KIF1B: variants seen among roughly 807,000 people sequenced by gnomAD.
The protein encoded by KIF1B is kinesin family member 1B.
Under a neutral mutation model 241.9 loss-of-function variants are expected in KIF1B, and 76 were observed. The observed-to-expected ratio is 0.31, with a 90% confidence interval of 0.26 to 0.38. The LOEUF is 0.38. Ranked by LOEUF, KIF1B falls within the 10% of genes least tolerant of loss-of-function variation. The probability of loss-of-function intolerance (pLI) is 1.00; values close to 1 mark genes in which losing one functional copy is unlikely to be tolerated. For missense variants in KIF1B, 1,622 were observed against 2,271.4 expected (o/e 0.71, Z 5.81); for synonymous variants, 750 against 796.7 (o/e 0.94, Z 0.99).
At chr1:10,285,178 A>G (rs61775921) in intron 15 of KIF1B, among the ~76,000 whole-genome samples, 2,385 of 152,242 alleles carry the variant, frequency 0.016, 63 homozygotes, top group African/African-American at 0.053. Context: ...TGAGAAGTAA[A>G]ACTCCCACTT....
chr1:10,293,912 A>C (rs1468251017), intron 17 of KIF1B, among the ~76,000 whole-genome samples: 2 of 152,196 alleles, frequency 1.3e-5, no homozygotes, highest in African/African-American at 4.8e-5. Flanking sequence ...ACTCAGTCTT[A>C]GGACCTGTTT....
At chr1:10,280,304 G>A (rs1434359644) in intron 14 of KIF1B, among the ~76,000 whole-genome samples, 1 of 151,516 alleles carries the variant, frequency 6.6e-6, no homozygotes, top group Non-Finnish European at 1.5e-5. Context: ...GCGGAATCTC[G>A]GCTCACTGCA....
chr1:10,344,716 G>T (rs557664620), intron 34 of KIF1B: 1 of 152,114 alleles, frequency 6.6e-6, no homozygotes, highest in South Asian at 2.1e-4. Context: ...TAGGGTACAC[G>T]TGTGAATAGT....
chr1:10,321,642 A>G (rs1651527303), intron 23 of KIF1B, 67 bp from the exon 24 acceptor site: 2 of 1,499,578 alleles, frequency 1.3e-6, no homozygotes, highest in African/African-American at 2.8e-5. Context: ...GAGATAAGCT[A>G]GAAGAGAGGT....
intron 40 of KIF1B, among the ~76,000 whole-genome samples, chr1:10,362,065 A>G (rs1638438316): frequency 6.6e-6 from 1 of 152,208 alleles, no homozygotes; most frequent in Non-Finnish European, 1.5e-5. Context: ...CAATTTTGCA[A>G]AGACTAAATT....
rs745380720 is a variant in KIF1B, at chr1:10,345,881, G to T, written c.3725G>T (p.Ser1242Ile). 2.5e-5 allele frequency: 40 copies of T among 1,614,082 alleles called. No homozygotes were observed. Among genetic ancestry groups the T allele is most frequent in the Non-Finnish European group, 3.1e-5 (36 of 1,180,020 alleles). ...AAGTTAAACACGATGAGCAAAACCA[G>T]CCTTGGCCAGAGCATGAGCAAGTAT... ...ATKLNTMSKT[S>I]LGQSMSKYDL... Residue 1242 changes from serine to isoleucine, a missense_variant, in exon 35 of 49, where the codon AGC (serine) becomes ATC (isoleucine). Transcript: ENST00000676179.
chr1:10,319,103 C>CTTTTTT (rs1267312262), intron 22 of KIF1B, among the ~76,000 whole-genome samples: 1 of 131,958 alleles, frequency 7.6e-6, no homozygotes, highest in African/African-American at 3.0e-5. Context: ...TACAATAATC[C>CTTTTTT]TTTTTTTTTT....
At position 10,347,818 on chromosome 1, in the gene KIF1B, G is replaced by A; in HGVS notation, c.3855G>A (p.Leu1285=). 1.2e-6 allele frequency: 2 copies of A among 1,612,874 alleles called. No homozygotes were observed. Among genetic ancestry groups the A allele is most frequent in the Non-Finnish European group, 1.7e-6 (2 of 1,178,978 alleles). ...TAGLPCQGTF[L]LHQGIQRRIT... ...GCTTGCCTTGCCAGGGGACATTTTT[G>A]CTTCATCAGGTACTAATGAGGGACC... The change falls in exon 36 of 49, where the codon TTG becomes TTA. Residue 1285 remains leucine, a synonymous_variant. Coordinates refer to ENST00000676179, the MANE Select transcript of KIF1B (RefSeq NM_001365951.3).
chr1:10,376,073 G>T (rs375573122), intron 48 of KIF1B, among the ~76,000 whole-genome samples: 3 of 152,022 alleles, frequency 2.0e-5, no homozygotes, highest in Non-Finnish European at 2.9e-5. Flanking sequence ...AAAGTGCTGG[G>T]ATTACAAGCG....
chr1:10,228,199 GAA>G (rs1259379068), intron 1 of KIF1B, among the ~76,000 whole-genome samples: 2 of 151,704 alleles, frequency 1.3e-5, no homozygotes, highest in Non-Finnish European at 2.9e-5. Context: ...CAAAAAAAAA[GAA>G]AAGAGAAAAA....
intron 15 of KIF1B, among the ~76,000 whole-genome samples, chr1:10,288,108 A>G: frequency 6.6e-6 from 1 of 152,108 alleles, no homozygotes; most frequent in East Asian, 1.9e-4. Context: ...AATCATATGC[A>G]GGGTGGGGCT....
rs896927488 is a variant in KIF1B at position 10,308,479 on chromosome 1, C to CA, written c.2115+11240dup. 64 of 1,035,424 alleles carry CA rather than the reference C, an allele frequency of 6.2e-5. No homozygotes were observed. The African/African-American group carries it at 9.9e-4, about 16-fold the overall frequency. 64.1% of individuals were successfully genotyped at this position (1,035,424 alleles called of 1,614,324 possible). A position where few individuals can be genotyped will look rare whatever the true frequency, so the allele number is the denominator to read the frequency against. On this transcript the variant is annotated intron_variant, in intron 22 of 48. Coordinates refer to ENST00000676179, the MANE Select transcript of KIF1B (RefSeq NM_001365951.3). ...CCCCTCTCAATTTCTTAAACAACAA[C>CA]AAAAAAATGCTTGAAGATTGTCTTT...
Position 10,277,996 on chromosome 1 carries a change from C to G in KIF1B, c.1048C>G (p.Arg350Gly). ...ETLSTLRYADRAKQIKCNAVI... is the reference protein window; with the variant it reads ...ETLSTLRYADGAKQIKCNAVI... ...TCTTTTTGGATCTAGATATGCAGAT[C>G]GTGCAAAACAAATTAAATGCAATGC... Residue 350 changes from arginine (R) to glycine (G), a missense_variant, in exon 13 of 49, where the codon CGT becomes GGT. Physicochemically the swap from Arg to Gly is moderately radical, Grantham distance 125. Transcript: ENST00000676179. The G allele has an allele frequency of 6.2e-7, 1 of 1,613,642 alleles. No individual in the cohort carries two copies. Among genetic ancestry groups the G allele is most frequent in the East Asian group, 2.2e-5 (1 of 44,830 alleles).
In KIF1B at chr1:10,303,532, G is replaced by A; in HGVS notation, c.2115+6286G>A. 1.2e-6 allele frequency: 2 copies of A among 1,614,230 alleles called. No homozygotes were observed. Among genetic ancestry groups the A allele is most frequent in the Non-Finnish European group, 1.7e-6 (2 of 1,180,052 alleles). On this transcript the variant is annotated intron_variant, in intron 22 of 48. Coordinates refer to ENST00000676179, the MANE Select transcript of KIF1B (RefSeq NM_001365951.3). The surrounding 1 kb of genome is among the most constrained non-coding windows in gnomAD (Gnocchi z 5.2). ...TGGCAAGAAAGACCCCAATGAGCGG[G>A]ACTCCTGGAGGGCAGTGGCCAGGGA... is the stretch of plus-strand genomic sequence containing the variant.
intron 40 of KIF1B, among the ~76,000 whole-genome samples, chr1:10,362,779 A>T (rs1217540526): frequency 6.6e-6 from 1 of 152,192 alleles, no homozygotes; most frequent in East Asian, 1.9e-4. Flanking sequence ...TGTTTAAAAG[A>T]TAGAGATGAG....
rs187738613 is a variant in KIF1B at position 10,364,832 on chromosome 1, C to T, written c.4367-268C>T. On this transcript the variant is annotated intron_variant, in intron 41 of 48. Transcript: ENST00000676179. ...CCATCCTGGCTAACACAGTGAAACC[C>T]GGTCTCTACTAAAAATACAAAAAAT... 5.0e-3 allele frequency among the ~76,000 whole-genome samples: 753 copies of T among 151,554 alleles called. 1 individual carries two copies. The highest frequency in any genetic ancestry group is 7.3e-3 in the Non-Finnish European group (495 of 67,854).
At chr1:10,226,016 A>T (rs1438083031) in intron 1 of KIF1B, among the ~76,000 whole-genome samples, 1 of 150,714 alleles carries the variant, frequency 6.6e-6, no homozygotes, top group African/African-American at 2.5e-5. Flanking sequence ...AAATATTTTT[A>T]AAAAAGAAAA....
At chr1:10,261,835 G>C in intron 4 of KIF1B, 70 bp from the exon 5 acceptor site, 1 of 922,112 alleles carries the variant, frequency 1.1e-6, no homozygotes, top group Non-Finnish European at 1.8e-6. Context: ...CTAATTCATT[G>C]AGCACGCGTG....
chr1:10,272,749 C>G (rs552358171), intron 9 of KIF1B, among the ~76,000 whole-genome samples: 4 of 134,494 alleles, frequency 3.0e-5, no homozygotes, highest in Non-Finnish European at 6.4e-5. Context: ...TAGTTTTGTT[C>G]TTTCCTACTC....
Sources: gnomAD v4.1 joint callset for allele counts (sites outside exome capture counted in the v4.1 genomes callset) on GRCh38, gnomAD v4.1.1 for gene constraint, Gnocchi (gnomAD v3.1) non-coding constraint, MANE v1.5 for transcripts, NCBI Gene and HGNC (gene_info 2026-07-23, HGNC 2026-07-21) for gene names.